The following PIGW variants were observed in gnomAD, a reference collection of about 807,000 sequenced individuals.
PIGW encodes the protein phosphatidylinositol glycan anchor biosynthesis class W.
In PIGW, 23 loss-of-function variants were observed where a neutral mutation model predicts 34.0. The observed-to-expected ratio is 0.68, with a 90% CI of 0.49 to 0.96. The LOEUF is 0.96. Ranked by LOEUF, PIGW falls within the 40% of genes least tolerant of loss-of-function variation. The pLI is 0.00. For missense variants in PIGW, 574 were observed against 586.3 expected, an observed-to-expected ratio of 0.98 and a Z score of 0.22; for synonymous variants, 225 against 225.2, an observed-to-expected ratio of 1.00 and a Z score of 0.01.
Position 36,538,251 on chromosome 17 carries a change from C to T in PIGW, c.1150C>T (p.Leu384Phe). The stretch of plus-strand genomic sequence containing the variant: ...TTGGATAGTTGCTTCTAGCCTGATC[C>T]TTCTTAGTAGTTTATTACTGGGTGA... ...CIWIVASSLILLSSLLLGDII... is the reference protein window; with the variant it reads ...CIWIVASSLIFLSSLLLGDII... The change falls in exon 2 of 2, where the codon CTT becomes TTT. Residue 384 changes from leucine to phenylalanine, a missense_variant. Transcript: ENST00000614443. 3 of 1,613,278 alleles carry T rather than the reference C, an allele frequency of 1.9e-6. No individual in the cohort carries two copies. The highest frequency in any genetic ancestry group is 2.5e-6 in the Non-Finnish European group (3 of 1,180,004).
In PIGW at chr17:36,538,128, C is replaced by G. The variant is rs761421862; in HGVS notation, c.1027C>G (p.Leu343Val). Residue 343 changes from leucine (L) to valine (V), a missense_variant, in exon 2 of 2, where the codon CTT becomes GTT. Transcript: ENST00000614443. The stretch of plus-strand genomic sequence containing the variant: ...AGACTTGATAAAAGTAGCCTGTTTT[C>G]TTTTACTGGCAGCTATTAGCCTCTT... ...IKDLIKVACF[L>V]LLAAISLFIS... 14 of 1,614,014 alleles carry G rather than the reference C, an allele frequency of 8.7e-6. No individual in the cohort carries two copies. The Admixed American group carries it at 2.3e-4, about 27-fold the overall frequency.
rs1299727442 is a variant in PIGW at position 36,538,946 on chromosome 17, G to T, written c.*330G>T. 2 of 194,986 alleles carry T rather than the reference G, an allele frequency of 1.0e-5. No homozygotes were observed. Among genetic ancestry groups the T allele is most frequent in the African/African-American group, 4.7e-5 (2 of 42,224 alleles). The allele number at this position is 194,986 out of a possible 1,614,324, so 12.1% of individuals were successfully genotyped here. A position where few individuals can be genotyped will look rare whatever the true frequency, so the allele number is the denominator to read the frequency against. The stretch of plus-strand genomic sequence containing the variant: ...TTTTTATATTTTTAGTAGAGATGGG[G>T]TTTTGCCATATTGGCCAGGCTGGTC... On this transcript the variant is annotated 3_prime_UTR_variant, in exon 2 of 2. Coordinates refer to ENST00000614443, the MANE Select transcript of PIGW (RefSeq NM_001346754.2).
chr17:36,536,968 G>T, intron 1 of PIGW, 126 bp from the exon 2 acceptor site: 1 of 733,072 alleles, frequency 1.4e-6, no homozygotes, highest in Non-Finnish European at 2.2e-6. Context: ...CAAATCCTAG[G>T]TGAACTCATT....
intron 1 of PIGW, 78 bp from the exon 2 acceptor site, chr17:36,537,016 G>A (rs2074148386): frequency 7.8e-7 from 1 of 1,284,934 alleles, no homozygotes; most frequent in Non-Finnish European, 1.1e-6. Flanking sequence ...AGTAATAAGA[G>A]TAAAATTAAG....
At chr17:36,536,189 G>A (rs1456212654) in intron 1 of PIGW, among the ~76,000 whole-genome samples, 5 of 152,072 alleles carry the variant, frequency 3.3e-5, no homozygotes, top group Non-Finnish European at 5.9e-5. Flanking sequence ...TGCACCCACC[G>A]TACCTACTTC....
rs781006982 is a variant in PIGW, at chr17:36,538,458, T to C, written c.1357T>C (p.Leu453=). Residue 453 remains leucine, a synonymous_variant, in exon 2 of 2, where the codon TTG becomes CTG. Transcript: ENST00000614443. ...AAACAGAAAACAGTTAATATTTTTC[T>C]TGCTGTCAAATATAACAACTGGCCT... ...ALNRKQLIFF[L]LSNITTGLIN... 3 of 1,614,202 alleles carry C rather than the reference T, an allele frequency of 1.9e-6. No individual in the cohort carries two copies. Among genetic ancestry groups the C allele is most frequent in the Non-Finnish European group, 2.5e-6 (3 of 1,180,038 alleles).
Position 36,538,898 on chromosome 17 carries a change from C to T in PIGW, c.*282C>T. ...CCTCCTGAGTAGCTGGCACTGTAGG[C>T]ATGTACCACCATGCCCAGCTAATTT... is the stretch of plus-strand genomic sequence containing the variant. On this transcript the variant is annotated 3_prime_UTR_variant, in exon 2 of 2. Transcript: ENST00000614443. The T allele has an allele frequency of 3.6e-6, 1 of 274,956 alleles. No individual in the cohort carries two copies. Among genetic ancestry groups the T allele is most frequent in the Admixed American group, 5.0e-5 (1 of 20,168 alleles). 17.0% of individuals were successfully genotyped at this position (274,956 alleles called of 1,614,324 possible). A position where few individuals can be genotyped will look rare whatever the true frequency, so the allele number is the denominator to read the frequency against.
At chr17:36,536,495 C>T (rs909300937) in intron 1 of PIGW, among the ~76,000 whole-genome samples, 2 of 151,366 alleles carry the variant, frequency 1.3e-5, no homozygotes, top group Admixed American at 6.6e-5. Context: ...ATCCCAAATT[C>T]GCTCTCTTTT....
rs934996469 is a variant in PIGW at position 36,537,929 on chromosome 17, T to C, written c.828T>C (p.Leu276=). 1.5e-5 allele frequency: 25 copies of C among 1,614,012 alleles called. No individual in the cohort carries two copies. Among genetic ancestry groups the C allele is most frequent in the Non-Finnish European group, 2.1e-5 (25 of 1,180,028 alleles). ...TTACTGTATTATACCAGCTAGCCCT[T>C]GACTTTACCTCACTGAAGAGGTTAA... ...LGITVLYQLA[L]DFTSLKRLIL... is the part of the protein sequence containing the mutation. The change falls in exon 2 of 2, where the codon CTT becomes CTC. Residue 276 remains leucine, a synonymous_variant. Transcript: ENST00000614443.
rs763712145 is a variant in PIGW at position 36,537,560 on chromosome 17, CAGA to C, written c.463_465del (p.Arg155del). On this transcript the variant is annotated inframe_deletion, in exon 2 of 2. Coordinates refer to ENST00000614443, the MANE Select transcript of PIGW (RefSeq NM_001346754.2). ...TGGCTGTGGACTTCCCACTTTTTCC[CAGA>C]AGATTTGCCAAAACTGAGCTCTATG... is the stretch of plus-strand genomic sequence containing the variant. 3.1e-6 allele frequency: 5 copies of C among 1,613,968 alleles called. No individual in the cohort carries two copies. In the African/African-American group the frequency reaches 6.7e-5, roughly 22 times the overall value.
intron 1 of PIGW, 111 bp from the exon 2 acceptor site, chr17:36,536,983 C>A: frequency 1.1e-6 from 1 of 906,516 alleles, no homozygotes; most frequent in Non-Finnish European, 1.7e-6. Flanking sequence ...CTCATTAGGG[C>A]CCAAAGTTCT....
Position 36,539,072 on chromosome 17 carries a change from T to C in PIGW, c.*456T>C, listed in dbSNP as rs2074180728. ...ACTGGGCCAATGCTTAATATTTTAA[T>C]GTATCTCAACAATAAAACCAAGAAG... is the stretch of plus-strand genomic sequence containing the variant. On this transcript the variant is annotated 3_prime_UTR_variant, in exon 2 of 2. Transcript: ENST00000614443. 6.0e-6 allele frequency: 1 copy of C among 167,958 alleles called. No homozygotes were observed. Among genetic ancestry groups the C allele is most frequent in the Non-Finnish European group, 1.5e-5 (1 of 68,738 alleles). The allele number at this position is 167,958 out of a possible 1,614,324, so 10.4% of individuals were successfully genotyped here. A position where few individuals can be genotyped will look rare whatever the true frequency, so the allele number is the denominator to read the frequency against.
Position 36,537,420 on chromosome 17 carries a change from C to G in PIGW, c.319C>G (p.Leu107Val). 6.2e-7 allele frequency: 1 copy of G among 1,614,174 alleles called. No individual in the cohort carries two copies. Among genetic ancestry groups the G allele is most frequent in the East Asian group, 2.2e-5 (1 of 44,890 alleles). The change falls in exon 2 of 2, where the codon CTG (leucine) becomes GTG (valine). Residue 107 changes from leucine (L) to valine (V), a missense_variant. Leu to Val is a conservative substitution (Grantham distance 32, BLOSUM62 1). Coordinates refer to ENST00000614443, the MANE Select transcript of PIGW (RefSeq NM_001346754.2). ...IYRRRTCYAR[L>V]PFLKILEKFL... Reference sequence around the variant, plus strand: ...CCGAAGGAGGACCTGCTATGCCAGACTGCCTTTCCTAAAAATCCTTGAAAA... The same window carrying G: ...CCGAAGGAGGACCTGCTATGCCAGAGTGCCTTTCCTAAAAATCCTTGAAAA...
Position 36,538,753 on chromosome 17 carries a change from CTTAA to C in PIGW, c.*141_*144del. ...TTCAGTCATCTAAACAGCAGTGATGCTTAATTATTTTTTTTTTTGAGACAGAGTC... is the reference window on the plus strand; with the variant it reads ...TTCAGTCATCTAAACAGCAGTGATGCTTATTTTTTTTTTTGAGACAGAGTC... On this transcript the variant is annotated 3_prime_UTR_variant, in exon 2 of 2. Transcript: ENST00000614443. 3 of 763,586 alleles carry C rather than the reference CTTAA, an allele frequency of 3.9e-6. No homozygotes were observed. Among genetic ancestry groups the C allele is most frequent in the Non-Finnish European group, 6.1e-6 (3 of 488,488 alleles). 47.3% of individuals were successfully genotyped at this position (763,586 alleles called of 1,614,324 possible). A position where few individuals can be genotyped will look rare whatever the true frequency, so the allele number is the denominator to read the frequency against.
chr17:36,537,477 A>G lies in PIGW; in HGVS notation c.376A>G (p.Asn126Asp), dbSNP rs72818370. The G allele has an allele frequency of 0.056, 89,868 of 1,613,854 alleles. 3,175 individuals carry two copies. Among genetic ancestry groups the G allele is most frequent in the East Asian group, 0.17 (7,450 of 44,844 alleles). ...GAACATCAGTCTAGAATCAGAATAC[A>G]ATCCAGCCATCTCCTGTTTCCGTGT... ...FLNISLESEYNPAISCFRVIT... is the reference protein window; with the variant it reads ...FLNISLESEYDPAISCFRVIT... The change falls in exon 2 of 2, where the codon AAT becomes GAT. Residue 126 changes from asparagine (N) to aspartate (D), a missense_variant. Asn to Asp is a conservative substitution (Grantham distance 23, BLOSUM62 1). Transcript: ENST00000614443.
Position 36,538,032 on chromosome 17 carries a change from G to C in PIGW, c.931G>C (p.Gly311Arg), listed in dbSNP as rs1036184103. 6.2e-7 allele frequency: 1 copy of C among 1,614,050 alleles called. No homozygotes were observed. Among genetic ancestry groups the C allele is most frequent in the Non-Finnish European group, 8.5e-7 (1 of 1,180,026 alleles). ...CCGCGAAGGAATAATCTCTACCCTG[G>C]GGTATGTGGCAATACACATGGCTGG... is the stretch of plus-strand genomic sequence containing the variant. ...ANREGIISTL[G>R]YVAIHMAGVQ... The change falls in exon 2 of 2, where the codon GGG (glycine) becomes CGG (arginine). Residue 311 changes from glycine (G) to arginine (R), a missense_variant. Coordinates refer to ENST00000614443, the MANE Select transcript of PIGW (RefSeq NM_001346754.2).
chr17:36,535,860 C>T (rs2074104059), intron 1 of PIGW, among the ~76,000 whole-genome samples: 1 of 151,644 alleles, frequency 6.6e-6, no homozygotes, highest in Non-Finnish European at 1.5e-5. Flanking sequence ...CTTAAGCGAT[C>T]CTCTCTCCTC....
rs1599479827 is a variant in PIGW at position 36,538,581 on chromosome 17, C to T, written c.1480C>T (p.Leu494=). The T allele has an allele frequency of 6.2e-7, 1 of 1,612,414 alleles. No homozygotes were observed. The highest frequency in any genetic ancestry group is 1.1e-5 in the South Asian group (1 of 90,896). The change falls in exon 2 of 2, where the codon CTA becomes TTA. Residue 494 remains leucine, a synonymous_variant. Coordinates refer to ENST00000614443, the MANE Select transcript of PIGW (RefSeq NM_001346754.2). ...MFSNCLIVYV[L]YLQDKTVQFW The stretch of plus-strand genomic sequence containing the variant: ...TTCCAACTGTTTAATTGTATATGTA[C>T]TATATTTGCAAGATAAGACTGTACA...
chr17:36,538,009 G>A lies in PIGW; in HGVS notation c.908G>A (p.Arg303His), dbSNP rs775316832. 5.6e-6 allele frequency: 9 copies of A among 1,613,986 alleles called. No homozygotes were observed. The highest frequency in any genetic ancestry group is 3.3e-5 in the South Asian group (3 of 91,084). Reference protein sequence around the residue: ...GTRVGLLNANREGIISTLGYV... With the variant: ...GTRVGLLNANHEGIISTLGYV... The stretch of plus-strand genomic sequence containing the variant: ...CGGGTTGGTCTATTAAATGCCAACC[G>A]CGAAGGAATAATCTCTACCCTGGGG... Residue 303 changes from arginine to histidine, a missense_variant, in exon 2 of 2, where the codon CGC becomes CAC. By Grantham distance (29) the Arg-to-His change is conservative. Transcript: ENST00000614443.
Sources: gnomAD v4.1 joint callset for allele counts (sites outside exome capture counted in the v4.1 genomes callset) on GRCh38, gnomAD v4.1.1 for gene constraint, MANE v1.5 for transcripts, NCBI Gene and HGNC (gene_info 2026-07-23, HGNC 2026-07-21) for gene names.